The following MX1 variants were observed in gnomAD, a reference collection of about 807,000 sequenced individuals.
MX1 encodes interferon-induced GTP-binding protein Mx1.
A neutral mutation model predicts 66.4 loss-of-function variants in MX1; 66 were observed. The observed-to-expected ratio is 0.99, with a 90% confidence interval of 0.82 to 1.22. MX1 has a LOEUF of 1.22. Among genes scored for constraint, MX1 ranks in the 50% most tolerant of loss-of-function variants. MX1 has a pLI of 0.00. For missense variants in MX1, 787 were observed against 834.3 expected (o/e 0.94, Z 0.70); for synonymous variants, 311 against 318.1 (o/e 0.98, Z 0.24).
intron 11 of MX1, 21 bp from the exon 12 acceptor site, chr21:41,445,427 T>C (rs35870315): frequency 0.11 from 174,319 of 1,612,552 alleles, 10,601 homozygotes; most frequent in East Asian, 0.19. Context: ...ATTTCCATTA[T>C]TTTCTCTCCA....
chr21:41,445,590 TG>T lies in MX1; in HGVS notation c.1131+22del. 6.2e-7 allele frequency: 1 copy of T among 1,613,780 alleles called. No homozygotes were observed. Among genetic ancestry groups the T allele is most frequent in the Non-Finnish European group, 8.5e-7 (1 of 1,179,926 alleles). On this transcript the variant is annotated intron_variant, in intron 12 of 16. Transcript: ENST00000398598. Reference sequence around the variant, plus strand: ...ATAGATGTGAGTGTTGCCAGCTGCATGGAGCTGGAGAAGCACATGTCATGGT... The same window carrying T: ...ATAGATGTGAGTGTTGCCAGCTGCATGAGCTGGAGAAGCACATGTCATGGT...
chr21:41,442,503 T>C (rs1260074433), intron 10 of MX1, among the ~76,000 whole-genome samples: 1 of 152,210 alleles, frequency 6.6e-6, no homozygotes, highest in Non-Finnish European at 1.5e-5. Flanking sequence ...TTTCTATCCC[T>C]CCTACCAAAA....
chr21:41,441,082 CGGT>C lies in MX1; in HGVS notation c.730+59_730+61del, dbSNP rs1568980653. 4.5e-3 allele frequency: 6,510 copies of C among 1,451,296 alleles called. 1,622 individuals carry two copies. The highest frequency in any genetic ancestry group is 4.6e-3 in the Non-Finnish European group (4,983 of 1,082,924). The allele number at this position is 1,451,296 out of a possible 1,614,324, so 89.9% of individuals were successfully genotyped here. On this transcript the variant is annotated intron_variant, in intron 9 of 16. Transcript: ENST00000398598. This position sits in a 1 kb window ranked among gnomAD's most constrained non-coding sequence, Gnocchi z 4.0. The stretch of plus-strand genomic sequence containing the variant: ...GAGAATGGGGGAGCCCGCCTGTGCT[CGGT>C]GAGAATGGGGGAGCCCACCTGTGCT...
At chr21:41,435,610 CCAAA>C (rs2090335706) in intron 5 of MX1, among the ~76,000 whole-genome samples, 1 of 152,130 alleles carries the variant, frequency 6.6e-6, no homozygotes, top group African/African-American at 2.4e-5. Flanking sequence ...GAGGAACTTG[CCAAA>C]CACTTATAAA....
At chr21:41,445,970 C>G (rs1291902643) in intron 12 of MX1, 30 bp from the exon 13 acceptor site, 2 of 1,611,622 alleles carry the variant, frequency 1.2e-6, no homozygotes, top group Non-Finnish European at 1.7e-6. Context: ...GAAGTCTATC[C>G]ACTTATACTG....
chr21:41,420,945 C>T (rs1428880872), intron 1 of MX1: 3 of 152,256 alleles, frequency 2.0e-5, no homozygotes, highest in Non-Finnish European at 4.4e-5. Context: ...AAGAAAAAGA[C>T]ACAGAGACAA....
chr21:41,434,213 C>T (rs1464450193), intron 5 of MX1, among the ~76,000 whole-genome samples: 1 of 152,224 alleles, frequency 6.6e-6, no homozygotes, highest in African/African-American at 2.4e-5. Context: ...CTCATATTTT[C>T]TTCCTGAACC....
chr21:41,436,527 C>CAA (rs2090367588), intron 6 of MX1, among the ~76,000 whole-genome samples: 1 of 152,168 alleles, frequency 6.6e-6, no homozygotes, highest in Non-Finnish European at 1.5e-5. Flanking sequence ...AGTGAGGTCT[C>CAA]AAAGAGTTCA....
intron 10 of MX1, among the ~76,000 whole-genome samples, chr21:41,442,941 C>G (rs1354376128): frequency 6.6e-6 from 1 of 152,118 alleles, no homozygotes; most frequent in African/African-American, 2.4e-5. Context: ...TGATGGGCAC[C>G]AGGGGCTGGG....
Position 41,458,538 on chromosome 21 carries a change from A to G in MX1, c.1769A>G (p.Lys590Arg), listed in dbSNP as rs771850389. 2 of 1,567,294 alleles carry G rather than the reference A, an allele frequency of 1.3e-6. No homozygotes were observed. The highest frequency in any genetic ancestry group is 4.8e-5 in the East Asian group (2 of 41,238). The part of the protein sequence containing the change: ...HLMAYHQEAS[K>R]RISSHIPLII... ...GTTCTTTCCTTCCAGGAGGCCAGCAAGCGCATCTCCAGCCACATCCCTTTG... is the reference window on the plus strand; with the variant it reads ...GTTCTTTCCTTCCAGGAGGCCAGCAGGCGCATCTCCAGCCACATCCCTTTG... The change falls in exon 17 of 17, where the codon AAG (lysine) becomes AGG (arginine). Residue 590 changes from lysine (K) to arginine (R), a missense_variant. Physicochemically the swap from Lys to Arg is conservative, Grantham distance 26. Coordinates refer to ENST00000398598, the MANE Select transcript of MX1 (RefSeq NM_002462.5).
Position 41,438,405 on chromosome 21 carries a change from C to A in MX1, c.436+1253C>A, listed in dbSNP as rs567597056. Among the ~76,000 whole-genome samples, 3 of 152,302 alleles carry A rather than the reference C, an allele frequency of 2.0e-5. No homozygotes were observed. In the East Asian group the frequency reaches 5.8e-4, roughly 29 times the overall value. ...GCTGGGCAGTTCTTCTCTGGGCTAGCTGGGCTGGGGCTGATGGTCCAGGAT... is the reference window on the plus strand; with the variant it reads ...GCTGGGCAGTTCTTCTCTGGGCTAGATGGGCTGGGGCTGATGGTCCAGGAT... On this transcript the variant is annotated intron_variant, in intron 7 of 16. Transcript: ENST00000398598.
intron 16 of MX1, 56 bp downstream of exon 16, chr21:41,452,925 C>T (rs2156302): frequency 0.035 from 56,380 of 1,590,478 alleles, 1,182 homozygotes; most frequent in Non-Finnish European, 0.041. Context: ...TTCTTCTGAA[C>T]GCCTCTCTCT....
At chr21:41,435,211 G>A (rs1478198944) in intron 5 of MX1, among the ~76,000 whole-genome samples, 1 of 152,172 alleles carries the variant, frequency 6.6e-6, no homozygotes, top group Non-Finnish European at 1.5e-5. Context: ...TACTGGTTTT[G>A]AGCAATTTGA....
intron 16 of MX1, among the ~76,000 whole-genome samples, chr21:41,457,038 G>A (rs1291395778): frequency 6.6e-6 from 1 of 152,226 alleles, no homozygotes; most frequent in Non-Finnish European, 1.5e-5. Context: ...GGGTTTACAG[G>A]CGTGAGCCAC....
At chr21:41,453,670 C>T (rs2090890001) in intron 16 of MX1, among the ~76,000 whole-genome samples, 1 of 152,146 alleles carries the variant, frequency 6.6e-6, no homozygotes, top group African/African-American at 2.4e-5. Context: ...AGGAAGTGTG[C>T]CTGAGGCTGT....
At chr21:41,442,169 A>G (rs963130018) in intron 10 of MX1, among the ~76,000 whole-genome samples, 1 of 152,194 alleles carries the variant, frequency 6.6e-6, no homozygotes, top group African/African-American at 2.4e-5. Flanking sequence ...GGAGAGAACA[A>G]TGTACAATAA....
At position 41,449,133 on chromosome 21, in the gene MX1, A is replaced by C; in HGVS notation, c.1274-4A>C. The C allele has an allele frequency of 1.2e-6, 2 of 1,602,580 alleles. No homozygotes were observed. The highest frequency in any genetic ancestry group is 1.7e-6 in the Non-Finnish European group (2 of 1,173,510). On this transcript the variant is annotated splice_polypyrimidine_tract_variant and splice_region_variant and intron_variant, in intron 13 of 16. Coordinates refer to ENST00000398598, the MANE Select transcript of MX1 (RefSeq NM_002462.5). ...AATTTAGAGGGTTTTTTTTCCTGCT[A>C]TAGGCCATAAAATTTTGAGTAGAAA... is the stretch of plus-strand genomic sequence containing the variant.
In MX1 at chr21:41,441,870, C is replaced by A; in HGVS notation, c.885C>A (p.Ala295=). ...AGGACCAGCTGAGCCTGTCCGAAGC[C>A]CTGCAGAGAGAGAAGATCTTCTTTG... ...EIQDQLSLSE[A]LQREKIFFEN... Residue 295 remains alanine, a synonymous_variant, in exon 10 of 17, where the codon GCC becomes GCA. Coordinates refer to ENST00000398598, the MANE Select transcript of MX1 (RefSeq NM_002462.5). This position sits in a 1 kb window ranked among gnomAD's most constrained non-coding sequence, Gnocchi z 4.0. 6.2e-7 allele frequency: 1 copy of A among 1,614,106 alleles called. No individual in the cohort carries two copies. The highest frequency in any genetic ancestry group is 1.7e-5 in the Admixed American group (1 of 60,006).
intron 11 of MX1, among the ~76,000 whole-genome samples, chr21:41,444,542 G>A (rs551558974): frequency 6.6e-6 from 1 of 151,840 alleles, no homozygotes; most frequent in Non-Finnish European, 1.5e-5. Flanking sequence ...GACCAGACTG[G>A]CCTTTTTCAA....
Sources: allele counts gnomAD v4.1 joint callset (sites outside exome capture counted in the v4.1 genomes callset), GRCh38; gene constraint gnomAD v4.1.1; non-coding constraint Gnocchi (gnomAD v3.1); transcripts MANE v1.5; gene names NCBI Gene and HGNC (gene_info 2026-07-23, HGNC 2026-07-21).